The following TMPRSS15 variants were observed in gnomAD, a reference collection of about 807,000 sequenced individuals.
The protein encoded by TMPRSS15 is transmembrane serine protease 15.
Under a neutral mutation model 125.3 loss-of-function variants are expected in TMPRSS15, and 128 were observed. The observed-to-expected ratio is 1.02, with a 90% confidence interval of 0.89 to 1.18. The LOEUF (loss-of-function observed/expected upper bound fraction) is 1.18, where lower values mean the gene tolerates loss of function less well. TMPRSS15 is among the 50% of genes most tolerant of loss of function. The pLI is 0.00. For synonymous variants in TMPRSS15, 446 were observed against 423.2 expected (o/e 1.05, Z -0.66); for missense variants, 1,283 against 1,212.7 (o/e 1.06, Z -0.86).
At chr21:18,373,897 G>C (rs1601407439) in intron 5 of TMPRSS15, among the ~76,000 whole-genome samples, 1 of 152,084 alleles carries the variant, frequency 6.6e-6, no homozygotes, top group East Asian at 1.9e-4. Context: ...TTTTTGTCAT[G>C]GAATTTTAAG....
chr21:18,479,358 T>C (rs2123290179), intron 1 of TMPRSS15, among the ~76,000 whole-genome samples: 1 of 152,056 alleles, frequency 6.6e-6, no homozygotes, highest in African/African-American at 2.4e-5. Flanking sequence ...AATGATAGTA[T>C]TAATAATCAA....
chr21:18,307,453 C>T (rs1214054734), intron 18 of TMPRSS15, among the ~76,000 whole-genome samples: 28 of 152,124 alleles, frequency 1.8e-4, no homozygotes, highest in Admixed American at 1.8e-3. Context: ...GTGTGTCATC[C>T]ACTCAGCTCA....
Position 18,297,838 on chromosome 21 carries a change from A to G in TMPRSS15, c.2166-9T>C, listed in dbSNP as rs2074924704. On this transcript the variant is annotated splice_polypyrimidine_tract_variant and intron_variant, in intron 18 of 24. Coordinates refer to ENST00000284885, the MANE Select transcript of TMPRSS15 (RefSeq NM_002772.3). ...TTGATGAGTTTCCACTCCTAGAGAA[A>G]AAAGAAAAAAGCATACAGACAAAAC... is the stretch of plus-strand genomic sequence containing the variant. 6.3e-6 allele frequency: 10 copies of G among 1,585,044 alleles called. No homozygotes were observed. The highest frequency in any genetic ancestry group is 8.7e-6 in the Non-Finnish European group (10 of 1,153,752).
chr21:18,430,000 A>G (rs2076213007), intron 1 of TMPRSS15, among the ~76,000 whole-genome samples: 2 of 152,220 alleles, frequency 1.3e-5, no homozygotes, highest in African/African-American at 4.8e-5. Context: ...AGTTAAAAAT[A>G]TGTATGTTGT....
intron 14 of TMPRSS15, among the ~76,000 whole-genome samples, chr21:18,330,831 G>A (rs1447168990): frequency 6.6e-6 from 1 of 152,058 alleles, no homozygotes; most frequent in African/African-American, 2.4e-5. Context: ...CCAGCACTTT[G>A]GGAGGCCGAG....
intron 21 of TMPRSS15, among the ~76,000 whole-genome samples, chr21:18,291,530 G>C (rs984264300): frequency 1.3e-5 from 2 of 152,186 alleles, no homozygotes; most frequent in African/African-American, 4.8e-5. Context: ...CTGAGGGCAA[G>C]CCACTTGTGT....
intron 21 of TMPRSS15, among the ~76,000 whole-genome samples, chr21:18,282,761 C>T (rs920537623): frequency 6.6e-5 from 10 of 152,032 alleles, no homozygotes; most frequent in South Asian, 2.1e-4. Context: ...ACAAACTAGG[C>T]GCTGATTATC....
In TMPRSS15 at chr21:18,303,996, C is replaced by T. The variant is rs186975191; in HGVS notation, c.2166-6167G>A. Among the ~76,000 whole-genome samples the T allele has an allele frequency of 6.6e-5, 10 of 152,180 alleles. No homozygotes were observed. The East Asian group carries it at 1.7e-3, about 26-fold the overall frequency. ...GGAGAAAGGAGGAATAATGTTTTTC[C>T]AAGTAAGAAGTAATACCCGTCTGTG... On this transcript the variant is annotated intron_variant, in intron 18 of 24. Transcript: ENST00000284885.
intron 1 of TMPRSS15, among the ~76,000 whole-genome samples, chr21:18,447,667 A>C (rs114961437): frequency 1.6e-4 from 24 of 152,028 alleles, no homozygotes; most frequent in Admixed American, 3.9e-4. Context: ...ATGAGATCTC[A>C]TAGTTTTATA....
At chr21:18,372,929 T>C (rs73196436) in intron 5 of TMPRSS15, among the ~76,000 whole-genome samples, 3,549 of 152,300 alleles carry the variant, frequency 0.023, 83 homozygotes, top group Non-Finnish European at 0.03. Flanking sequence ...AGAAATTAAC[T>C]TGGGAAGTTT....
intron 14 of TMPRSS15, 101 bp downstream of exon 14, chr21:18,331,983 C>T: frequency 1.0e-6 from 1 of 964,746 alleles, no homozygotes; most frequent in Admixed American, 1.8e-5. Context: ...GATAGGCGTA[C>T]CCATGTTTGA....
At chr21:18,443,092 T>C (rs146588026) in intron 1 of TMPRSS15, among the ~76,000 whole-genome samples, 1,604 of 152,102 alleles carry the variant, frequency 0.011, 30 homozygotes, top group African/African-American at 0.037. Flanking sequence ...ATTTACAAAT[T>C]ACAAAGAAAT....
intron 16 of TMPRSS15, among the ~76,000 whole-genome samples, chr21:18,321,679 A>C (rs2824739): frequency 0.58 from 87,650 of 151,992 alleles, 25,883 homozygotes; most frequent in African/African-American, 0.7. Context: ...CCCATTTATA[A>C]TTTTTTCTAA....
At chr21:18,448,548 T>A (rs2076260545) in intron 1 of TMPRSS15, among the ~76,000 whole-genome samples, 1 of 152,116 alleles carries the variant, frequency 6.6e-6, no homozygotes, top group Non-Finnish European at 1.5e-5. Context: ...TTTTGAAAAA[T>A]CAGTAAATTT....
At chr21:18,356,806 G>T (rs1601384134) in intron 8 of TMPRSS15, among the ~76,000 whole-genome samples, 1 of 151,908 alleles carries the variant, frequency 6.6e-6, no homozygotes, top group East Asian at 1.9e-4. Flanking sequence ...GATTATTTTT[G>T]TTGTAGGATA....
chr21:18,304,104 C>A (rs915130330), intron 18 of TMPRSS15, among the ~76,000 whole-genome samples: 1 of 152,166 alleles, frequency 6.6e-6, no homozygotes, highest in Non-Finnish European at 1.5e-5. Flanking sequence ...TTAAAAAATT[C>A]TCCATTTGAT....
intron 1 of TMPRSS15, among the ~76,000 whole-genome samples, chr21:18,473,493 C>T (rs557918845): frequency 1.3e-5 from 2 of 152,134 alleles, no homozygotes; most frequent in Admixed American, 1.3e-4. Flanking sequence ...CAACTTTGAC[C>T]TTTCTTAGAA....
intron 1 of TMPRSS15, among the ~76,000 whole-genome samples, chr21:18,476,900 T>C (rs1479721707): frequency 1.4e-5 from 2 of 147,056 alleles, no homozygotes; most frequent in Non-Finnish European, 3.0e-5. Context: ...TGCAATTCTC[T>C]CTCTCTTTTT....
At chr21:18,395,647 ATTTT>A (rs1453270045) in intron 3 of TMPRSS15, among the ~76,000 whole-genome samples, 3 of 152,140 alleles carry the variant, frequency 2.0e-5, no homozygotes, top group African/African-American at 7.2e-5. Flanking sequence ...AAATAATGTA[ATTTT>A]TAGGGAGCAA....
Sources: allele counts gnomAD v4.1 joint callset (sites outside exome capture counted in the v4.1 genomes callset), GRCh38; gene constraint gnomAD v4.1.1; transcripts MANE v1.5; gene names NCBI Gene and HGNC (gene_info 2026-07-23, HGNC 2026-07-21).